Variants in CD99 observed in about 807,000 individuals in gnomAD.
CD99 encodes the protein CD99 antigen.
A neutral mutation model predicts 28.4 loss-of-function variants in CD99; 19 were observed. The ratio of observed to expected loss-of-function variants is 0.67; its 90% CI spans 0.47 to 0.98. CD99 has a LOEUF of 0.98. Among genes scored for constraint, CD99 ranks in the 50% least tolerant of loss-of-function variants. The pLI is 0.00. For synonymous variants in CD99, 103 were observed against 92.1 expected (o/e 1.12, Z -0.67); for missense variants, 283 against 248.8 (o/e 1.14, Z -0.92).
chrX:2,737,884 G>A, intron 8 of CD99: 4 of 493,482 alleles, frequency 8.1e-6, no homozygotes, highest in Non-Finnish European at 1.5e-5. Context: ...TTTATAGAAA[G>A]AGCTTCCATG....
intron 1 of CD99, 65 bp downstream of exon 1, chrX:2,691,492 T>G (rs755371382): frequency 6.6e-7 from 1 of 1,508,436 alleles, no homozygotes. Flanking sequence ...GGGGATCCGC[T>G]TGAGATGCGG....
chrX:2,739,305 A>T (rs2050092881), intron 9 of CD99, among the ~76,000 whole-genome samples: 1 of 152,100 alleles, frequency 6.6e-6, no homozygotes, highest in African/African-American at 2.4e-5. Flanking sequence ...CAAGAAAAAA[A>T]TGTGTGTGTG....
chrX:2,724,017 GA>G (rs1391256936), intron 7 of CD99, among the ~76,000 whole-genome samples: 1 of 138,072 alleles, frequency 7.2e-6, no homozygotes, highest in Non-Finnish European at 1.5e-5. Context: ...AAGGAGGGAA[GA>G]AGGGAAGGAA....
chrX:2,707,534 T>TA (rs1214862293), intron 1 of CD99, among the ~76,000 whole-genome samples: 1 of 152,150 alleles, frequency 6.6e-6, no homozygotes, highest in Non-Finnish European at 1.5e-5. Context: ...TGAGAAAAAG[T>TA]AAACATGGTT....
intron 8 of CD99, among the ~76,000 whole-genome samples, chrX:2,737,473 C>T (rs1243545420): frequency 6.7e-6 from 1 of 148,600 alleles, no homozygotes; most frequent in African/African-American, 2.5e-5. Flanking sequence ...CCATGCCCAG[C>T]CTCTGCATTT....
At chrX:2,721,953 TG>T (rs1569442334) in intron 5 of CD99, among the ~76,000 whole-genome samples, 1 of 152,230 alleles carries the variant, frequency 6.6e-6, no homozygotes, top group Non-Finnish European at 1.5e-5. Flanking sequence ...TCGTAGCTTT[TG>T]ACCTGGTTGT....
intron 1 of CD99, 101 bp from the exon 2 acceptor site, chrX:2,714,321 A>G: frequency 3.1e-6 from 3 of 974,028 alleles, no homozygotes; most frequent in African/African-American, 1.6e-5. Flanking sequence ...GCTGTTTTAA[A>G]TATCACAAAA....
intron 1 of CD99, among the ~76,000 whole-genome samples, chrX:2,698,624 A>C (rs147636918): frequency 2.0e-5 from 3 of 151,034 alleles, no homozygotes; most frequent in African/African-American, 7.3e-5. Flanking sequence ...ATGCCACCAC[A>C]CTCAATTAAT....
At chrX:2,717,158 C>T (rs1375573080) in intron 2 of CD99, among the ~76,000 whole-genome samples, 1 of 151,954 alleles carries the variant, frequency 6.6e-6, no homozygotes, top group South Asian at 2.1e-4. Flanking sequence ...ACCAACCTGG[C>T]CAACGTGGTG....
At chrX:2,729,668 A>G (rs1370371825) in intron 8 of CD99, among the ~76,000 whole-genome samples, 1 of 152,136 alleles carries the variant, frequency 6.6e-6, no homozygotes, top group South Asian at 2.1e-4. Context: ...AATAGACTTG[A>G]TTTTGTCAAA....
intron 8 of CD99, chrX:2,737,737 C>T (rs1428964137): frequency 6.5e-6 from 2 of 305,604 alleles, no homozygotes; most frequent in East Asian, 1.6e-4. Context: ...CTCAAGTGAT[C>T]CACCTGCCTC....
intron 2 of CD99, chrX:2,717,363 A>T: frequency 6.1e-6 from 3 of 491,268 alleles, no homozygotes; most frequent in Non-Finnish European, 1.1e-5. Flanking sequence ...AAAAAAAAAA[A>T]GAAGTGGAGA....
intron 5 of CD99, among the ~76,000 whole-genome samples, chrX:2,720,953 C>T (rs1488425928): frequency 6.6e-6 from 1 of 152,076 alleles, no homozygotes; most frequent in Non-Finnish European, 1.5e-5. Context: ...TTCCAAGTTC[C>T]ATCTTATGGA....
Position 2,720,398 on chromosome X carries a change from C to G in CD99, c.236C>G (p.Pro79Arg). 1 of 1,613,784 alleles carries G rather than the reference C, an allele frequency of 6.2e-7. No homozygotes were observed. ...AACCCACCCAAACCGATGCCAAATC[C>G]AAACCCCAACCACCCTAGTTCCTCC... ...PPNPPKPMPN[P>R]NPNHPSSSGS... is the part of the protein sequence containing the mutation. The change falls in exon 5 of 10, where the codon CCA becomes CGA. Residue 79 changes from proline to arginine, a missense_variant. Transcript: ENST00000381192.
At chrX:2,695,833 C>T (rs2047550066) in intron 1 of CD99, among the ~76,000 whole-genome samples, 1 of 151,974 alleles carries the variant, frequency 6.6e-6, no homozygotes, top group Non-Finnish European at 1.5e-5. Flanking sequence ...GGTGTTTCAC[C>T]CTGTTGGACA....
At chrX:2,714,779 AGGCCT>A in intron 2 of CD99, 2 of 285,948 alleles carry the variant, frequency 7.0e-6, no homozygotes. Flanking sequence ...GGGTTGCTGC[AGGCCT>A]TCCGTTTGTA....
intron 1 of CD99, among the ~76,000 whole-genome samples, chrX:2,703,185 T>C (rs1208896277): frequency 6.6e-6 from 1 of 152,196 alleles, no homozygotes; most frequent in East Asian, 1.9e-4. Context: ...CAGGGTTCTT[T>C]GCAAGGTCTA....
chrX:2,737,051 A>AG (rs2049980590), intron 8 of CD99, among the ~76,000 whole-genome samples: 2 of 152,070 alleles, frequency 1.3e-5, no homozygotes, highest in South Asian at 4.2e-4. Flanking sequence ...GGGAGGTAGA[A>AG]GGGGGGACAG....
chrX:2,741,020 C>A lies in CD99; in HGVS notation c.*216C>A. Reference sequence around the variant, plus strand: ...ATCCAAAGGGGGATAGGCACTTGGACCCCCATTCTCCAAGGCCCGGGGGGG... The same window carrying A: ...ATCCAAAGGGGGATAGGCACTTGGAACCCCATTCTCCAAGGCCCGGGGGGG... On this transcript the variant is annotated 3_prime_UTR_variant, in exon 10 of 10. Coordinates refer to ENST00000381192, the MANE Select transcript of CD99 (RefSeq NM_002414.5). 4 of 607,454 alleles carry A rather than the reference C, an allele frequency of 6.6e-6. No individual in the cohort carries two copies. Among genetic ancestry groups the A allele is most frequent in the Non-Finnish European group, 8.9e-6 (3 of 338,922 alleles). The allele number at this position is 607,454 out of a possible 1,614,324, so 37.6% of individuals were successfully genotyped here. A position where few individuals can be genotyped will look rare whatever the true frequency, so the allele number is the denominator to read the frequency against.
Sources: gnomAD v4.1 joint callset for allele counts (sites outside exome capture counted in the v4.1 genomes callset) on GRCh38, gnomAD v4.1.1 for gene constraint, MANE v1.5 for transcripts, NCBI Gene and HGNC (gene_info 2026-07-23, HGNC 2026-07-21) for gene names.